SPTLC1: variants seen among roughly 807,000 people sequenced by gnomAD.
SPTLC1 encodes the protein serine palmitoyltransferase 1.
A neutral mutation model predicts 68.9 loss-of-function variants in SPTLC1; 55 were observed. The ratio of observed to expected loss-of-function variants is 0.80; its 90% CI spans 0.64 to 1.00. The LOEUF is 1.00. Ranked by LOEUF, SPTLC1 falls within the 50% of genes least tolerant of loss-of-function variation. The probability of loss-of-function intolerance (pLI) is 0.00; values close to 1 mark genes in which losing one functional copy is unlikely to be tolerated. For synonymous variants in SPTLC1, 197 were observed against 201.6 expected, an observed-to-expected ratio of 0.98 and a Z score of 0.19; for missense variants, 449 against 573.1, an observed-to-expected ratio of 0.78 and a Z score of 2.21.
chr9:92,067,876 T>A, intron 6 of SPTLC1, 90 bp downstream of exon 6: 1 of 1,456,922 alleles, frequency 6.9e-7, no homozygotes, highest in Non-Finnish European at 9.6e-7. Flanking sequence ...CATTATTTTA[T>A]GCAGATAACT....
chr9:92,035,412 G>A (rs1006708738), intron 13 of SPTLC1, among the ~76,000 whole-genome samples: 4 of 152,170 alleles, frequency 2.6e-5, no homozygotes, highest in African/African-American at 7.2e-5. Flanking sequence ...AGAATCTGGC[G>A]TTAACAAAGT....
chr9:92,066,552 C>T (rs762532589), intron 6 of SPTLC1, among the ~76,000 whole-genome samples: 3 of 152,142 alleles, frequency 2.0e-5, no homozygotes, highest in Admixed American at 6.5e-5. Context: ...GCTTAAACAC[C>T]TCAGGGAAAA....
intron 5 of SPTLC1, among the ~76,000 whole-genome samples, chr9:92,073,093 C>T (rs1407374621): frequency 1.3e-5 from 2 of 152,144 alleles, no homozygotes; most frequent in African/African-American, 4.8e-5. Context: ...GAAGCCGACC[C>T]CCATGCCCCT....
intron 3 of SPTLC1, among the ~76,000 whole-genome samples, chr9:92,089,263 A>G (rs979628932): frequency 6.6e-6 from 1 of 152,296 alleles, no homozygotes; most frequent in Admixed American, 6.5e-5. Context: ...ATACAAAAAA[A>G]TAAGCTAGGC....
At chr9:92,112,681 A>G (rs554939818) in intron 1 of SPTLC1, 119 bp from the exon 2 acceptor site, 2 of 661,416 alleles carry the variant, frequency 3.0e-6, no homozygotes, top group East Asian at 5.5e-5. Context: ...TTAACAATTT[A>G]CTTTCGAAGC....
intron 3 of SPTLC1, among the ~76,000 whole-genome samples, chr9:92,102,831 T>C (rs1223585433): frequency 2.0e-5 from 3 of 152,188 alleles, no homozygotes; most frequent in African/African-American, 7.2e-5. Context: ...TGAATATAGA[T>C]AGTTTTGATT....
chr9:92,046,261 C>T (rs952783404), intron 11 of SPTLC1: 1 of 587,688 alleles, frequency 1.7e-6, no homozygotes, highest in South Asian at 2.1e-5. Flanking sequence ...CTCAGTATCC[C>T]ACTTTCAACA....
At chr9:92,076,836 G>A (rs1834699213) in intron 5 of SPTLC1, 1 of 152,164 alleles carries the variant, frequency 6.6e-6, no homozygotes, top group South Asian at 2.1e-4. Flanking sequence ...GATGGGTTGA[G>A]GCTTTTCCCA....
intron 2 of SPTLC1, 60 bp downstream of exon 2, chr9:92,112,395 G>T: frequency 8.2e-7 from 1 of 1,216,624 alleles, no homozygotes; most frequent in Non-Finnish European, 1.2e-6. Context: ...ATCCTTTCTG[G>T]AAAGACATAG....
chr9:92,036,880 T>C (rs903073016), intron 13 of SPTLC1, among the ~76,000 whole-genome samples: 2 of 152,254 alleles, frequency 1.3e-5, no homozygotes, highest in African/African-American at 4.8e-5. Context: ...TGTTTTTCCC[T>C]GTCTAGAGAG....
At chr9:92,094,791 T>C (rs1835473828) in intron 3 of SPTLC1, among the ~76,000 whole-genome samples, 1 of 152,140 alleles carries the variant, frequency 6.6e-6, no homozygotes, top group Non-Finnish European at 1.5e-5. Context: ...GCTCTGCAGG[T>C]CTGGCCATTT....
intron 4 of SPTLC1, among the ~76,000 whole-genome samples, chr9:92,080,381 C>T (rs943010995): frequency 3.9e-5 from 6 of 152,206 alleles, no homozygotes; most frequent in Admixed American, 1.3e-4. Flanking sequence ...AGACCCTTCT[C>T]CAACTATTCT....
At chr9:92,114,122 A>G (rs994215326) in intron 1 of SPTLC1, among the ~76,000 whole-genome samples, 3 of 151,920 alleles carry the variant, frequency 2.0e-5, no homozygotes, top group Non-Finnish European at 4.4e-5. Flanking sequence ...AAAAAAAAAA[A>G]AAGATTAGTT....
At chr9:92,096,754 A>G (rs555913242) in intron 3 of SPTLC1, among the ~76,000 whole-genome samples, 2 of 152,374 alleles carry the variant, frequency 1.3e-5, no homozygotes, top group South Asian at 4.1e-4. Context: ...GTAAATCTTC[A>G]TAACCTTAGA....
intron 12 of SPTLC1, among the ~76,000 whole-genome samples, chr9:92,045,544 A>C (rs1833484213): frequency 6.8e-6 from 1 of 148,022 alleles, no homozygotes; most frequent in Non-Finnish European, 1.5e-5. Flanking sequence ...AAAAAAAAAA[A>C]AAAAAAAACA....
At chr9:92,045,150 A>G (rs1475910073) in intron 12 of SPTLC1, among the ~76,000 whole-genome samples, 1 of 152,154 alleles carries the variant, frequency 6.6e-6, no homozygotes, top group East Asian at 1.9e-4. Context: ...TTTATCTGGA[A>G]CAGCTGTGAT....
chr9:92,108,863 T>C (rs748956966), intron 2 of SPTLC1, 29 bp from the exon 3 acceptor site: 1 of 1,573,848 alleles, frequency 6.4e-7, no homozygotes, highest in African/African-American at 1.4e-5. Context: ...TAAAATACAG[T>C]GCAGTGCTAA....
intron 7 of SPTLC1, among the ~76,000 whole-genome samples, chr9:92,056,386 G>A (rs1564091382): frequency 6.6e-6 from 1 of 152,080 alleles, no homozygotes; most frequent in Non-Finnish European, 1.5e-5. Context: ...CCGCCACCAC[G>A]CTCAGCTGAT....
At chr9:92,034,737 T>C in intron 14 of SPTLC1, 73 bp downstream of exon 14, 2 of 1,268,514 alleles carry the variant, frequency 1.6e-6, no homozygotes, top group Non-Finnish European at 2.3e-6. Flanking sequence ...TTCAAAATTT[T>C]TCAAAAGATA....
Sources: gnomAD v4.1 joint callset for allele counts (sites outside exome capture counted in the v4.1 genomes callset) on GRCh38, gnomAD v4.1.1 for gene constraint, MANE v1.5 for transcripts, NCBI Gene and HGNC (gene_info 2026-07-23, HGNC 2026-07-21) for gene names.